PTPRT: variants seen among roughly 807,000 people sequenced by gnomAD.
PTPRT encodes the protein protein tyrosine phosphatase receptor type T.
A neutral mutation model predicts 176.8 loss-of-function variants in PTPRT; 56 were observed. The observed-to-expected ratio is 0.32, with a 90% CI of 0.26 to 0.40. PTPRT has a LOEUF of 0.40. PTPRT is among the 10% of genes least tolerant of loss of function. PTPRT has a pLI of 1.00. For synonymous variants in PTPRT, 783 were observed against 739.0 expected, an observed-to-expected ratio of 1.06 and a Z score of -0.96; for missense variants, 1,540 against 1,908.2, an observed-to-expected ratio of 0.81 and a Z score of 3.60.
At chr20:42,245,822 A>AGTC (rs2056439440) in intron 14 of PTPRT, among the ~76,000 whole-genome samples, 1 of 152,020 alleles carries the variant, frequency 6.6e-6, no homozygotes, top group Non-Finnish European at 1.5e-5. Flanking sequence ...GGGGGCTTTG[A>AGTC]GTCAGCTGAA....
chr20:42,091,782 A>T (rs1453053364), intron 27 of PTPRT, among the ~76,000 whole-genome samples: 1 of 151,306 alleles, frequency 6.6e-6, no homozygotes, highest in Non-Finnish European at 1.5e-5. Flanking sequence ...ACAGGGACAG[A>T]GGGAGAAAGA....
At position 42,257,650 on chromosome 20, in the gene PTPRT, C is replaced by G. The variant is rs867917446; in HGVS notation, c.2177-8828G>C. On this transcript the variant is annotated intron_variant, in intron 13 of 30. Transcript: ENST00000373187. ...TGTGTAGCACCTCCCCCCACCCCCC[C>G]CCCCCCGCCCACTACTCTCTCTTGA... Among the ~76,000 whole-genome samples, 133 of 88,064 alleles carry G rather than the reference C, an allele frequency of 1.5e-3. 7 individuals are homozygous for G. The highest frequency in any genetic ancestry group is 6.1e-3 in the African/African-American group (117 of 19,068). The allele number at this position is 88,064 out of a possible 152,430, so 57.8% of individuals were successfully genotyped here.
At chr20:42,796,245 T>A (rs897984371) in intron 2 of PTPRT, among the ~76,000 whole-genome samples, 3 of 152,062 alleles carry the variant, frequency 2.0e-5, no homozygotes, top group Non-Finnish European at 4.4e-5. Flanking sequence ...TAGAAAAAAA[T>A]CATTTACTTA....
At chr20:42,284,890 A>G (rs1221196482) in intron 12 of PTPRT, among the ~76,000 whole-genome samples, 1 of 151,916 alleles carries the variant, frequency 6.6e-6, no homozygotes, top group African/African-American at 2.4e-5. Context: ...TTCATATAAA[A>G]TCTTCACACA....
the PTPRT span, among the ~76,000 whole-genome samples, chr20:42,032,262 C>T: frequency 6.6e-6 from 1 of 152,112 alleles, no homozygotes. Context: ...GGAGAGCACT[C>T]TGGCCAGGAA....
chr20:42,853,343 A>C (rs143429264), intron 2 of PTPRT, among the ~76,000 whole-genome samples: 5 of 152,216 alleles, frequency 3.3e-5, no homozygotes, highest in African/African-American at 1.2e-4. Context: ...GAAGTCCCCC[A>C]GTATGCTGTC....
At chr20:42,133,528 G>A (rs1040029623) in intron 18 of PTPRT, among the ~76,000 whole-genome samples, 14 of 152,184 alleles carry the variant, frequency 9.2e-5, no homozygotes, top group African/African-American at 3.4e-4. Flanking sequence ...AGTTTCCAGG[G>A]GCTTGGGAGG....
rs927024066 is a variant in PTPRT, at chr20:42,074,369, C to T, written c.*6510G>A. On this transcript the variant is annotated 3_prime_UTR_variant, in exon 31 of 31. Coordinates refer to ENST00000373187, the MANE Select transcript of PTPRT (RefSeq NM_007050.6). ...TTACTTCCTATGACCCTTTCTCCTCCACATCCAAGAGTCCTGCTCACTAAG... is the reference window on the plus strand; with the variant it reads ...TTACTTCCTATGACCCTTTCTCCTCTACATCCAAGAGTCCTGCTCACTAAG... The T allele has an allele frequency of 3.6e-4, 86 of 238,454 alleles. 1 individual carries two copies. The highest frequency in any genetic ancestry group is 9.0e-5 in the Non-Finnish European group (11 of 122,124). The allele number at this position is 238,454 out of a possible 1,614,324, so 14.8% of individuals were successfully genotyped here.
At chr20:43,043,659 C>T (rs935353455) in intron 1 of PTPRT, among the ~76,000 whole-genome samples, 3 of 152,092 alleles carry the variant, frequency 2.0e-5, no homozygotes, top group East Asian at 1.9e-4. Flanking sequence ...TTCCTTTGCA[C>T]GGAAGTAGGT....
At chr20:43,050,146 T>A (rs1568754395) in intron 1 of PTPRT, among the ~76,000 whole-genome samples, 1 of 152,136 alleles carries the variant, frequency 6.6e-6, no homozygotes, top group Non-Finnish European at 1.5e-5. Flanking sequence ...GAAGGGAACA[T>A]GCAGCTTGTA....
chr20:42,891,405 C>T (rs765162702), intron 1 of PTPRT, among the ~76,000 whole-genome samples: 3 of 152,150 alleles, frequency 2.0e-5, no homozygotes, highest in Non-Finnish European at 4.4e-5. Flanking sequence ...GTGGCAATGG[C>T]CCCAGATGCT....
rs561044741 is a variant in PTPRT, at chr20:42,434,072, T to TA, written c.1560+14147dup. Among the ~76,000 whole-genome samples, 40 of 146,728 alleles carry TA rather than the reference T, an allele frequency of 2.7e-4. 1 individual carries two copies. The highest frequency in any genetic ancestry group is 1.9e-3 in the South Asian group (9 of 4,628). ...AGAATATGTTGGGCATAGTGAAAAT[T>TA]AAAAAAAAAAAGTCACCATAACCAC... On this transcript the variant is annotated intron_variant, in intron 9 of 30. Transcript: ENST00000373187.
Position 43,096,562 on chromosome 20 carries a change from G to A in PTPRT, c.88+93084C>T, listed in dbSNP as rs190092009. On this transcript the variant is annotated intron_variant, in intron 1 of 30. Coordinates refer to ENST00000373187, the MANE Select transcript of PTPRT (RefSeq NM_007050.6). ...AGAGGGGGTTCCTCCACTCCTGGCCGGTTCCCCAGCTCAGCAGGCTCCCGC... is the reference window on the plus strand; with the variant it reads ...AGAGGGGGTTCCTCCACTCCTGGCCAGTTCCCCAGCTCAGCAGGCTCCCGC... Among the ~76,000 whole-genome samples the A allele has an allele frequency of 1.1e-4, 16 of 152,310 alleles. No homozygotes were observed. The East Asian group carries it at 1.9e-3, about 18-fold the overall frequency.
the PTPRT span, among the ~76,000 whole-genome samples, chr20:42,059,628 G>C: frequency 6.6e-6 from 1 of 152,240 alleles, no homozygotes. Context: ...CCCAGTGATG[G>C]CCACAGGGTC....
chr20:43,138,113 G>T (rs1325096538), intron 1 of PTPRT, among the ~76,000 whole-genome samples: 3 of 152,166 alleles, frequency 2.0e-5, no homozygotes, highest in Non-Finnish European at 4.4e-5. Flanking sequence ...CCAAGCATAG[G>T]GCCCGGCACA....
At chr20:42,642,360 T>C (rs2074776688) in intron 7 of PTPRT, among the ~76,000 whole-genome samples, 1 of 152,196 alleles carries the variant, frequency 6.6e-6, no homozygotes, top group African/African-American at 2.4e-5. Context: ...TCCTTACTAG[T>C]TGTGGGACGT....
At position 42,074,246 on chromosome 20, in the gene PTPRT, T is replaced by G. The variant is rs116838271; in HGVS notation, c.*6633A>C. 381 of 228,418 alleles carry G rather than the reference T, an allele frequency of 1.7e-3. No individual in the cohort carries two copies. The highest frequency in any genetic ancestry group is 7.5e-3 in the African/African-American group (338 of 45,188). The allele number at this position is 228,418 out of a possible 1,614,324, so 14.1% of individuals were successfully genotyped here. On this transcript the variant is annotated 3_prime_UTR_variant, in exon 31 of 31. Coordinates refer to ENST00000373187, the MANE Select transcript of PTPRT (RefSeq NM_007050.6). Reference sequence around the variant, plus strand: ...CAGGGACAGGGTGGACACTGAGAGTTTGTTGGACCATCATAGAGAAGGCCC... The same window carrying G: ...CAGGGACAGGGTGGACACTGAGAGTGTGTTGGACCATCATAGAGAAGGCCC...
At chr20:42,449,072 A>G (rs2070781956) in intron 8 of PTPRT, among the ~76,000 whole-genome samples, 1 of 152,122 alleles carries the variant, frequency 6.6e-6, no homozygotes, top group South Asian at 2.1e-4. Flanking sequence ...GTTTTCTCTA[A>G]CTTTAGGAGT....
At chr20:42,539,856 A>T (rs2072547258) in intron 7 of PTPRT, among the ~76,000 whole-genome samples, 1 of 151,938 alleles carries the variant, frequency 6.6e-6, no homozygotes, top group South Asian at 2.1e-4. Flanking sequence ...CTTGAAAGGC[A>T]GAGCAAAACA....
Sources: allele counts gnomAD v4.1 joint callset (sites outside exome capture counted in the v4.1 genomes callset), GRCh38; gene constraint gnomAD v4.1.1; transcripts MANE v1.5; gene names NCBI Gene and HGNC (gene_info 2026-07-23, HGNC 2026-07-21).